Variants in YBEY observed in about 807,000 individuals in gnomAD.
YBEY encodes ybeY metalloendoribonuclease, also known as endoribonuclease YbeY.
Under a neutral mutation model 13.5 loss-of-function variants are expected in YBEY, and 15 were observed. That is an observed-to-expected ratio of 1.11 (90% CI 0.75 to 1.72). The LOEUF is 1.72. Among genes scored for constraint, YBEY ranks in the 40% most tolerant of loss-of-function variants. The pLI is 0.00. For synonymous variants in YBEY, 101 were observed against 83.1 expected, an observed-to-expected ratio of 1.21 and a Z score of -1.17; for missense variants, 244 against 208.4, an observed-to-expected ratio of 1.17 and a Z score of -1.05.
At chr21:46,292,327 C>G (rs560575017) in intron 3 of YBEY, 2 of 152,226 alleles carry the variant, frequency 1.3e-5, no homozygotes, top group Non-Finnish European at 2.9e-5. Flanking sequence ...GCAAGGCCTG[C>G]GGGCTGGTTC....
downstream of YBEY, chr21:46,300,460 G>T (rs527839808): frequency 2.8e-5 from 6 of 215,660 alleles, no homozygotes; most frequent in African/African-American, 4.6e-5. Context: ...TAGAAAGAAA[G>T]AAATGCCATG....
In YBEY at chr21:46,297,561, T is replaced by A. The variant is rs774279252; in HGVS notation, c.431T>A (p.Val144Glu). 4 of 1,396,510 alleles carry A rather than the reference T, an allele frequency of 2.9e-6. No homozygotes were observed. The highest frequency in any genetic ancestry group is 3.8e-6 in the Non-Finnish European group (4 of 1,061,482). The allele number at this position is 1,396,510 out of a possible 1,614,324, so 86.5% of individuals were successfully genotyped here. A position where few individuals can be genotyped will look rare whatever the true frequency, so the allele number is the denominator to read the frequency against. ...WQQMFQKEKA[V>E]LDELGRRTGT... ...CAGATGTTCCAGAAGGAGAAGGCGG[T>A]GCTGGACGAGCTGGGCCGACGCACG... is the stretch of plus-strand genomic sequence containing the variant. The change falls in exon 5 of 5, where the codon GTG becomes GAG. Residue 144 changes from valine (V) to glutamate (E), a missense_variant. By Grantham distance (121) the Val-to-Glu change is moderately radical (BLOSUM62 -2). Transcript: ENST00000397701.
Position 46,297,612 on chromosome 21 carries a change from G to A in YBEY, c.482G>A (p.Arg161Gln), listed in dbSNP as rs1013488792. 2 of 1,362,790 alleles carry A rather than the reference G, an allele frequency of 1.5e-6. No individual in the cohort carries two copies. The highest frequency in any genetic ancestry group is 1.8e-5 in the South Asian group (1 of 56,704). 84.4% of individuals were successfully genotyped at this position (1,362,790 alleles called of 1,614,324 possible). ...RTGTRLQPLTRGLFGGS is the reference protein window; with the variant it reads ...RTGTRLQPLTQGLFGGS ...GGGACCCGGCTGCAGCCCCTGACCCGGGGCCTCTTCGGAGGGAGCTGAGGG... is the reference window on the plus strand; with the variant it reads ...GGGACCCGGCTGCAGCCCCTGACCCAGGGCCTCTTCGGAGGGAGCTGAGGG... The change falls in exon 5 of 5, where the codon CGG becomes CAG. Residue 161 changes from arginine (R) to glutamine (Q), a missense_variant. Transcript: ENST00000397701.
chr21:46,291,653 G>C, intron 3 of YBEY, 191 bp downstream of exon 3: 1 of 1,383,404 alleles, frequency 7.2e-7, no homozygotes, highest in Middle Eastern at 2.3e-4. Context: ...ACAGTTGAAG[G>C]AGGGAGAGAA....
At chr21:46,291,945 TG>T in intron 3 of YBEY, 1 of 648,726 alleles carries the variant, frequency 1.5e-6, no homozygotes, top group Non-Finnish European at 1.9e-6. Flanking sequence ...GCAGAAAGGC[TG>T]GAGTTATTAT....
chr21:46,291,298 TC>T (rs774900456), intron 2 of YBEY, 35 bp from the exon 3 acceptor site: 4 of 1,612,830 alleles, frequency 2.5e-6, no homozygotes, highest in South Asian at 2.2e-5. Context: ...GGGTTACGTT[TC>T]CTGTTCTCTA....
chr21:46,311,434 A>C, the YBEY span: 661 of 1,416,440 alleles, frequency 4.7e-4, no homozygotes, highest in Admixed American at 6.2e-4. Context: ...AACCCACAAC[A>C]ATATGAATAT....
chr21:46,303,917 AATTTTTTGT>A, the YBEY span, among the ~76,000 whole-genome samples: 1 of 145,562 alleles, frequency 6.9e-6, no homozygotes, highest in African/African-American at 2.5e-5. Context: ...GCGCCCGGCT[AATTTTTTGT>A]ATTTTTTGTA....
chr21:46,297,685 G>T lies in YBEY; in HGVS notation c.*51G>T. The T allele has an allele frequency of 3.9e-6, 5 of 1,272,820 alleles. No homozygotes were observed. The highest frequency in any genetic ancestry group is 3.1e-5 in the East Asian group (1 of 31,784). 78.8% of individuals were successfully genotyped at this position (1,272,820 alleles called of 1,614,324 possible). A position where few individuals can be genotyped will look rare whatever the true frequency, so the allele number is the denominator to read the frequency against. ...ACGCGGGAGGGGTGGAGGCTGCGGG[G>T]AGCCGGGGTCGCACACGAATAAATA... On this transcript the variant is annotated 3_prime_UTR_variant, in exon 5 of 5. Transcript: ENST00000397701.
downstream of YBEY, chr21:46,301,030 G>C: frequency 3.0e-6 from 3 of 1,014,952 alleles, no homozygotes; most frequent in Non-Finnish European, 3.7e-6. Flanking sequence ...ACAGGAACAA[G>C]AGCTGTGCAA....
At chr21:46,297,318 GC>G (rs1435488002) in intron 4 of YBEY, among the ~76,000 whole-genome samples, 1 of 144,192 alleles carries the variant, frequency 6.9e-6, no homozygotes, top group East Asian at 2.0e-4. Context: ...CCCTCCCGAG[GC>G]CCCGCTTATT....
At chr21:46,310,907 C>T in the YBEY span, among the ~76,000 whole-genome samples, 6 of 151,870 alleles carry the variant, frequency 4.0e-5, no homozygotes, top group Admixed American at 1.3e-4. Context: ...CTCACTCTGT[C>T]GCCCAGGATG....
intron 1 of YBEY, 138 bp from the exon 2 acceptor site, chr21:46,286,732 C>G (rs1452264183): frequency 4.9e-6 from 3 of 607,030 alleles, no homozygotes; most frequent in Non-Finnish European, 8.5e-6. Flanking sequence ...TTGCTTCCTC[C>G]TTGTGGTAAA....
the YBEY span, among the ~76,000 whole-genome samples, chr21:46,305,327 CTT>C: frequency 5.6e-4 from 61 of 109,100 alleles, no homozygotes; most frequent in Middle Eastern, 4.9e-3. Flanking sequence ...ACAAATTAAT[CTT>C]TTTTTTTTTT....
intron 3 of YBEY, among the ~76,000 whole-genome samples, chr21:46,292,512 G>T (rs977760375): frequency 2.6e-5 from 4 of 151,968 alleles, no homozygotes; most frequent in Admixed American, 1.3e-4. Context: ...AATTCCTCCC[G>T]TGGTTAGCTT....
chr21:46,310,046 A>G, the YBEY span, among the ~76,000 whole-genome samples: 1 of 152,156 alleles, frequency 6.6e-6, no homozygotes, highest in African/African-American at 2.4e-5. Flanking sequence ...AAACTACTAC[A>G]TAGTGACGGA....
chr21:46,302,029 G>A, downstream of YBEY: 1 of 1,537,180 alleles, frequency 6.5e-7, no homozygotes, highest in Non-Finnish European at 8.8e-7. Context: ...ACAGGCTGGG[G>A]GCGGGCTGGA....
At chr21:46,298,319 GA>G (rs2082015884), downstream of YBEY, among the ~76,000 whole-genome samples, 1 of 152,162 alleles carries the variant, frequency 6.6e-6, no homozygotes, top group Non-Finnish European at 1.5e-5. Context: ...CTCTGTTCCT[GA>G]AGTCGCTGCA....
chr21:46,306,242 C>G, the YBEY span, among the ~76,000 whole-genome samples: 2 of 152,152 alleles, frequency 1.3e-5, no homozygotes, highest in Non-Finnish European at 2.9e-5. Context: ...GGCATGGTGG[C>G]TCACGCCTGT....
Sources: allele counts gnomAD v4.1 joint callset (sites outside exome capture counted in the v4.1 genomes callset), GRCh38; gene constraint gnomAD v4.1.1; transcripts MANE v1.5; gene names NCBI Gene and HGNC (gene_info 2026-07-23, HGNC 2026-07-21).